Variants in TRAPPC11 observed in about 807,000 individuals in gnomAD.
TRAPPC11 encodes foie gras homolog.
In TRAPPC11, 104 loss-of-function variants were observed where a neutral mutation model predicts 151.2. The ratio of observed to expected loss-of-function variants is 0.69; its 90% CI spans 0.59 to 0.81. The LOEUF (loss-of-function observed/expected upper bound fraction) is 0.81, where lower values mean the gene tolerates loss of function less well. Among genes scored for constraint, TRAPPC11 ranks in the 30% least tolerant of loss-of-function variants. The pLI is 0.00. For missense variants in TRAPPC11, 1,230 were observed against 1,349.6 expected, an observed-to-expected ratio of 0.91 and a Z score of 1.39; for synonymous variants, 456 against 472.3, an observed-to-expected ratio of 0.97 and a Z score of 0.45.
Position 183,693,910 on chromosome 4 carries a change from CT to C in TRAPPC11, c.2387-3del. On this transcript the variant is annotated splice_region_variant and splice_polypyrimidine_tract_variant and intron_variant, in intron 21 of 29. Transcript: ENST00000334690. Reference sequence around the variant, plus strand: ...TTGTTTTGAAGAACCAATATTAACTCTTTTAGGACAGGATGCCAATTTAACT... The same window carrying C: ...TTGTTTTGAAGAACCAATATTAACTCTTTAGGACAGGATGCCAATTTAACT... The C allele has an allele frequency of 6.2e-7, 1 of 1,613,030 alleles. No individual in the cohort carries two copies. Among genetic ancestry groups the C allele is most frequent in the Non-Finnish European group, 8.5e-7 (1 of 1,179,252 alleles).
intron 23 of TRAPPC11, among the ~76,000 whole-genome samples, chr4:183,695,724 T>C (rs114182893): frequency 0.012 from 1,882 of 152,296 alleles, 37 homozygotes; most frequent in African/African-American, 0.043. Context: ...TGTAGTTTTG[T>C]TACTGCACAG....
At chr4:183,685,671 C>A (rs971171335) in intron 17 of TRAPPC11, among the ~76,000 whole-genome samples, 2 of 151,914 alleles carry the variant, frequency 1.3e-5, no homozygotes, top group Non-Finnish European at 2.9e-5. Context: ...AAAGGTTGTG[C>A]TTTACTGTCT....
chr4:183,686,977 G>A (rs928868132), intron 18 of TRAPPC11, among the ~76,000 whole-genome samples: 6 of 152,040 alleles, frequency 3.9e-5, no homozygotes, highest in Non-Finnish European at 7.4e-5. Context: ...TCAAGAGATC[G>A]AGACCAGCCT....
chr4:183,710,848 G>A (rs967330296), intron 29 of TRAPPC11, among the ~76,000 whole-genome samples: 1 of 151,596 alleles, frequency 6.6e-6, no homozygotes, highest in South Asian at 2.1e-4. Context: ...AGTTAACATG[G>A]TGAAACCCCA....
intron 5 of TRAPPC11, among the ~76,000 whole-genome samples, chr4:183,671,992 A>G (rs759506276): frequency 5.3e-5 from 8 of 152,226 alleles, no homozygotes; most frequent in Admixed American, 2.6e-4. Context: ...GCGTATTTGT[A>G]TATGTGTATG....
At chr4:183,661,360 CCTT>C (rs1734505774) in intron 1 of TRAPPC11, among the ~76,000 whole-genome samples, 10 of 132,898 alleles carry the variant, frequency 7.5e-5, no homozygotes, top group African/African-American at 2.8e-4. Context: ...GTGTAGATTA[CCTT>C]TTTTTTTTTT....
chr4:183,712,835 A>G lies in TRAPPC11; in HGVS notation c.*191A>G. 1 of 495,530 alleles carries G rather than the reference A, an allele frequency of 2.0e-6. No individual in the cohort carries two copies. The highest frequency in any genetic ancestry group is 3.6e-6 in the Non-Finnish European group (1 of 281,616). 30.7% of individuals were successfully genotyped at this position (495,530 alleles called of 1,614,324 possible). A position where few individuals can be genotyped will look rare whatever the true frequency, so the allele number is the denominator to read the frequency against. On this transcript the variant is annotated 3_prime_UTR_variant, in exon 30 of 30. Transcript: ENST00000334690. ...GAAAATCTGTCTTATAGTTTCTCTA[A>G]TAAATATCTGAAATCTCAGTACGAC...
chr4:183,693,515 T>G (rs1280689732), intron 20 of TRAPPC11, 74 bp from the exon 21 acceptor site: 1 of 1,495,784 alleles, frequency 6.7e-7, no homozygotes, highest in Non-Finnish European at 9.0e-7. Context: ...CTCTTATTTC[T>G]TTTAAATACT....
intron 29 of TRAPPC11, among the ~76,000 whole-genome samples, chr4:183,709,435 T>C (rs774955169): frequency 1.3e-5 from 2 of 152,174 alleles, no homozygotes; most frequent in Non-Finnish European, 2.9e-5. Flanking sequence ...TCTATCTGTA[T>C]AAAAATAATT....
chr4:183,664,136 T>A (rs1734720330), intron 2 of TRAPPC11, 65 bp downstream of exon 2: 20 of 1,421,048 alleles, frequency 1.4e-5, no homozygotes, highest in Non-Finnish European at 2.0e-5. Flanking sequence ...GTGTGTCTTT[T>A]TTGTTCTGTT....
intron 2 of TRAPPC11, 26 bp from the exon 3 acceptor site, chr4:183,666,231 T>A (rs893552017): frequency 6.9e-6 from 11 of 1,601,970 alleles, no homozygotes; most frequent in Middle Eastern, 1.7e-4. Context: ...GTCAGGTAAC[T>A]TTTCAATTTC....
At chr4:183,696,835 T>C (rs969430248) in intron 23 of TRAPPC11, among the ~76,000 whole-genome samples, 7 of 152,210 alleles carry the variant, frequency 4.6e-5, no homozygotes, top group Admixed American at 1.3e-4. Context: ...ACATAATACA[T>C]GTATACGGAT....
rs1735900281 is a variant in TRAPPC11 at position 183,685,137 on chromosome 4, G to A, written c.1621G>A (p.Val541Ile). ...KSRIEKNLIN[V>I]LMNESPDPEP... ...TCGGATAGAAAAGAACCTCATAAAT[G>A]TTTTAATGGTAGGTTGGAATTGTTT... Residue 541 changes from valine (V) to isoleucine (I), a missense_variant, in exon 16 of 30, where the codon GTT (valine) becomes ATT (isoleucine). Coordinates refer to ENST00000334690, the MANE Select transcript of TRAPPC11 (RefSeq NM_021942.6). 6.2e-7 allele frequency: 1 copy of A among 1,613,846 alleles called. No individual in the cohort carries two copies. The highest frequency in any genetic ancestry group is 2.2e-5 in the East Asian group (1 of 44,846).
At chr4:183,675,117 A>G (rs995640430) in intron 6 of TRAPPC11, 47 bp from the exon 7 acceptor site, 2 of 1,024,784 alleles carry the variant, frequency 2.0e-6, no homozygotes, top group Non-Finnish European at 2.7e-6. Context: ...TAATTTTCAC[A>G]TTTTAAATAG....
At chr4:183,693,823 C>T (rs1169606755) in intron 21 of TRAPPC11, 86 bp downstream of exon 21, 1 of 1,594,330 alleles carries the variant, frequency 6.3e-7, no homozygotes, top group Non-Finnish European at 8.6e-7. Context: ...CTTTTGTTTA[C>T]AAGAGGGTAT....
At chr4:183,681,305 T>C (rs1186909130) in intron 10 of TRAPPC11, among the ~76,000 whole-genome samples, 1 of 152,118 alleles carries the variant, frequency 6.6e-6, no homozygotes, top group Non-Finnish European at 1.5e-5. Context: ...GATTTTTTTC[T>C]CTAAAATGAT....
chr4:183,660,370 A>G (rs1433957161), intron 1 of TRAPPC11, among the ~76,000 whole-genome samples: 3 of 152,214 alleles, frequency 2.0e-5, no homozygotes, highest in Admixed American at 6.5e-5. Context: ...TACACACCAG[A>G]TTTTGAAGAC....
In TRAPPC11 at chr4:183,697,763, ATTG is replaced by A. The variant is rs1736612141; in HGVS notation, c.2782_2784del (p.Val928del). 6.2e-7 allele frequency: 1 copy of A among 1,613,936 alleles called. No homozygotes were observed. The highest frequency in any genetic ancestry group is 8.5e-7 in the Non-Finnish European group (1 of 1,180,014). Reference sequence around the variant, plus strand: ...AAGTGCCTCACCCTGGGCCCTCACTATTGTTTCCAGTGAGCTCCAGCTTGCTCC... The same window carrying A: ...AAGTGCCTCACCCTGGGCCCTCACTATTTCCAGTGAGCTCCAGCTTGCTCC... On this transcript the variant is annotated inframe_deletion, in exon 25 of 30. Transcript: ENST00000334690.
At chr4:183,661,500 T>A (rs1221825644) in intron 1 of TRAPPC11, among the ~76,000 whole-genome samples, 1 of 149,568 alleles carries the variant, frequency 6.7e-6, no homozygotes, top group Non-Finnish European at 1.5e-5. Context: ...GCCTCCCGAG[T>A]AGCTGGGACT....
Sources: allele counts gnomAD v4.1 joint callset (sites outside exome capture counted in the v4.1 genomes callset), GRCh38; gene constraint gnomAD v4.1.1; transcripts MANE v1.5; gene names NCBI Gene and HGNC (gene_info 2026-07-23, HGNC 2026-07-21).